STRBP: variants seen among roughly 807,000 people sequenced by gnomAD.
STRBP encodes the protein spermatid perinuclear RNA binding protein.
A neutral mutation model predicts 80.1 loss-of-function variants in STRBP; 13 were observed. That is an observed-to-expected ratio of 0.16 (90% CI 0.11 to 0.26). The LOEUF (loss-of-function observed/expected upper bound fraction) is 0.26, where lower values mean the gene tolerates loss of function less well. Ranked by LOEUF, STRBP falls within the 10% of genes least tolerant of loss-of-function variation. The pLI, the probability that STRBP is intolerant of heterozygous loss-of-function variation, is 1.00. For missense variants in STRBP, 485 were observed against 815.2 expected (o/e 0.59, Z 4.93); for synonymous variants, 284 against 291.2 (o/e 0.98, Z 0.25).
intron 6 of STRBP, among the ~76,000 whole-genome samples, chr9:123,162,230 CTT>C (rs60242197): frequency 4.7e-4 from 69 of 146,452 alleles, no homozygotes; most frequent in Non-Finnish European, 3.6e-4. Context: ...TGGTTTTTTT[CTT>C]TTTTTTTTTT....
At chr9:123,202,142 A>G (rs2039349721) in intron 2 of STRBP, among the ~76,000 whole-genome samples, 1 of 152,200 alleles carries the variant, frequency 6.6e-6, no homozygotes, top group African/African-American at 2.4e-5. Context: ...TTTCTTGAAG[A>G]CAGCAGATAT....
At chr9:123,145,185 T>C (rs2036761480) in intron 13 of STRBP, among the ~76,000 whole-genome samples, 1 of 152,208 alleles carries the variant, frequency 6.6e-6, no homozygotes. Flanking sequence ...AGATCATAAC[T>C]GATATCTACA....
downstream of STRBP, among the ~76,000 whole-genome samples, chr9:123,120,437 A>C (rs1364407395): frequency 7.6e-6 from 1 of 132,026 alleles, no homozygotes; most frequent in African/African-American, 2.8e-5. Context: ...GCTCTTAATG[A>C]CCCTGGTGTA....
At chr9:123,133,147 A>G (rs1185156014) in intron 16 of STRBP, among the ~76,000 whole-genome samples, 179 bp from the exon 17 acceptor site, 1 of 152,230 alleles carries the variant, frequency 6.6e-6, no homozygotes, top group African/African-American at 2.4e-5. Context: ...CCTACCTTAC[A>G]GAGATGTTAA....
At chr9:123,242,462 C>A (rs901688889) in intron 1 of STRBP, among the ~76,000 whole-genome samples, 1 of 152,152 alleles carries the variant, frequency 6.6e-6, no homozygotes, top group Non-Finnish European at 1.5e-5. Flanking sequence ...AGTTTGAGAC[C>A]AGCCTGGCCA....
rs2035636836 is a variant in STRBP, at chr9:123,115,874, G to A, written c.*84+55C>T. The A allele has an allele frequency of 2.7e-6, 1 of 369,858 alleles. No homozygotes were observed. Among genetic ancestry groups the A allele is most frequent in the Non-Finnish European group, 5.3e-6 (1 of 187,636 alleles). 22.9% of individuals were successfully genotyped at this position (369,858 alleles called of 1,614,324 possible). ...ATTGCCCCACTGGCTTCCCATAATT[G>A]TCTTTCACCCTTTGGAACCACATAC... is the stretch of plus-strand genomic sequence containing the variant. On this transcript the variant is annotated intron_variant and NMD_transcript_variant, in intron 3 of 3. Transcript: ENST00000471564. The surrounding 1 kb of genome is among the most constrained non-coding windows in gnomAD (Gnocchi z 5.0).
At chr9:123,263,524 C>CAAAA (rs775297049) in intron 1 of STRBP, among the ~76,000 whole-genome samples, 32 of 64,180 alleles carry the variant, frequency 5.0e-4, no homozygotes, top group African/African-American at 1.4e-3. Context: ...GACCCTGTCT[C>CAAAA]AAAAAAAAAA....
chr9:123,197,955 T>C (rs948722823), intron 2 of STRBP, among the ~76,000 whole-genome samples: 13 of 152,184 alleles, frequency 8.5e-5, no homozygotes, highest in Non-Finnish European at 1.9e-4. Context: ...ATTACAGGCG[T>C]GAGCCACGGA....
chr9:123,197,667 C>CTTTTTTT (rs71388358), intron 2 of STRBP, among the ~76,000 whole-genome samples: 144 of 87,366 alleles, frequency 1.6e-3, no homozygotes, highest in Non-Finnish European at 2.0e-3. Flanking sequence ...AAACATATTT[C>CTTTTTTT]TTTTTTTTTT....
At chr9:123,180,108 T>A (rs1027702385) in intron 3 of STRBP, among the ~76,000 whole-genome samples, 68 of 151,980 alleles carry the variant, frequency 4.5e-4, no homozygotes, top group African/African-American at 1.6e-3. Flanking sequence ...TAAAAAAAAT[T>A]AGCCGGACGT....
At chr9:123,155,316 T>C (rs1004737763) in intron 11 of STRBP, among the ~76,000 whole-genome samples, 2 of 152,106 alleles carry the variant, frequency 1.3e-5, no homozygotes, top group Non-Finnish European at 2.9e-5. Context: ...ACTTACAGGA[T>C]TGCCCAGCAA....
intron 17 of STRBP, among the ~76,000 whole-genome samples, chr9:123,130,522 T>A (rs1394690361): frequency 6.6e-6 from 1 of 151,916 alleles, no homozygotes; most frequent in Non-Finnish European, 1.5e-5. Context: ...TGGTAAATGG[T>A]CCGCGGCAAC....
At chr9:123,118,634 C>T (rs1377436580), downstream of STRBP, among the ~76,000 whole-genome samples, 1 of 152,258 alleles carries the variant, frequency 6.6e-6, no homozygotes, top group East Asian at 1.9e-4. Flanking sequence ...TTTTGCAGGA[C>T]ATTAGCTAAA....
chr9:123,234,862 A>C (rs2132589212), intron 2 of STRBP, among the ~76,000 whole-genome samples: 1 of 152,200 alleles, frequency 6.6e-6, no homozygotes, highest in South Asian at 2.1e-4. Context: ...TGGGAGGCCA[A>C]GGCAGGAGAC....
At chr9:123,204,923 C>CAAAAAAA (rs34576355) in intron 2 of STRBP, among the ~76,000 whole-genome samples, 8 of 54,558 alleles carry the variant, frequency 1.5e-4, no homozygotes, top group East Asian at 7.7e-4. Context: ...GACTCCATCT[C>CAAAAAAA]AAAAAAAAAA....
Position 123,161,072 on chromosome 9 carries a change from A to G in STRBP, c.536-4T>C, listed in dbSNP as rs765080860. The G allele has an allele frequency of 2.5e-6, 4 of 1,593,146 alleles. No homozygotes were observed. Among genetic ancestry groups the G allele is most frequent in the Non-Finnish European group, 3.4e-6 (4 of 1,169,538 alleles). On this transcript the variant is annotated splice_polypyrimidine_tract_variant and splice_region_variant and intron_variant, in intron 6 of 18. Transcript: ENST00000348403. ...GGATCTTTCATCGAAACATTTTCTA[A>G]CAGTAAAATGGGATAAAGAGAGACA... is the stretch of plus-strand genomic sequence containing the variant.
Position 123,184,233 on chromosome 9 carries a change from C to G in STRBP, c.-99G>C. 1 of 1,182,590 alleles carries G rather than the reference C, an allele frequency of 8.5e-7. No homozygotes were observed. Among genetic ancestry groups the G allele is most frequent in the South Asian group, 1.5e-5 (1 of 68,918 alleles). 73.3% of individuals were successfully genotyped at this position (1,182,590 alleles called of 1,614,324 possible). On this transcript the variant is annotated 5_prime_UTR_variant, in exon 3 of 19. Transcript: ENST00000348403. ...TTGTGTAACAATACCTCCTCATAAG[C>G]CTGAGTCCCCTGACAGCTCAGCGTC...
Position 123,124,074 on chromosome 9 carries a change from A to C in STRBP, c.*1523T>G. The stretch of plus-strand genomic sequence containing the variant: ...TTGTGTAATATATATCTGAGAAGTG[A>C]CACTAACATTTGTTGTACATTGCCC... On this transcript the variant is annotated 3_prime_UTR_variant, in exon 19 of 19. Transcript: ENST00000348403. 1 of 985,466 alleles carries C rather than the reference A, an allele frequency of 1.0e-6. No individual in the cohort carries two copies. Among genetic ancestry groups the C allele is most frequent in the South Asian group, 4.7e-5 (1 of 21,290 alleles). The allele number at this position is 985,466 out of a possible 1,614,324, so 61.0% of individuals were successfully genotyped here. A position where few individuals can be genotyped will look rare whatever the true frequency, so the allele number is the denominator to read the frequency against.
Position 123,169,991 on chromosome 9 carries a change from A to G in STRBP, c.446T>C (p.Ile149Thr), listed in dbSNP as rs986917461. The G allele has an allele frequency of 6.2e-7, 1 of 1,610,382 alleles. No individual in the cohort carries two copies. Among genetic ancestry groups the G allele is most frequent in the Non-Finnish European group, 8.5e-7 (1 of 1,178,740 alleles). The change falls in exon 6 of 19, where the codon ATA becomes ACA. Residue 149 changes from isoleucine to threonine, a missense_variant. Transcript: ENST00000348403. The part of the protein sequence containing the change: ...VEQCVNEASI[I>T]IRNTKEPTLT... The stretch of plus-strand genomic sequence containing the variant: ...CGTGGGCTCTTTTGTATTCCGAATT[A>G]TAATAGATGCCTCATTTACACATTG...
Sources: gnomAD v4.1 joint callset for allele counts (sites outside exome capture counted in the v4.1 genomes callset) on GRCh38, gnomAD v4.1.1 for gene constraint, Gnocchi (gnomAD v3.1) non-coding constraint, MANE v1.5 for transcripts, NCBI Gene and HGNC (gene_info 2026-07-23, HGNC 2026-07-21) for gene names.